Variants in HPS4 observed in about 807,000 individuals in gnomAD.
HPS4 encodes the protein BLOC-3 complex member HPS4.
In HPS4, 44 loss-of-function variants were observed where a neutral mutation model predicts 70.3. That is an observed-to-expected ratio of 0.63 (90% confidence interval 0.49 to 0.80). HPS4 has a LOEUF of 0.80. Ranked by LOEUF, HPS4 falls within the 30% of genes least tolerant of loss-of-function variation. The probability of loss-of-function intolerance (pLI) is 0.00; values close to 1 mark genes in which losing one functional copy is unlikely to be tolerated. For synonymous variants in HPS4, 377 were observed against 355.9 expected (o/e 1.06, Z -0.67); for missense variants, 873 against 884.4 (o/e 0.99, Z 0.16).
At chr22:26,446,271 C>T (rs868139722), downstream of HPS4, among the ~76,000 whole-genome samples, 3 of 152,334 alleles carry the variant, frequency 2.0e-5, no homozygotes, top group Non-Finnish European at 2.9e-5. Flanking sequence ...CCCAGGTCTT[C>T]TGATCCCAAA....
chr22:26,465,653 C>T (rs902843387), intron 9 of HPS4, 102 bp from the exon 10 acceptor site: 60 of 933,486 alleles, frequency 6.4e-5, no homozygotes, highest in Admixed American at 5.7e-4. Context: ...CACGTGGGCT[C>T]GGAAAGGGGT....
At chr22:26,473,539 G>A (rs1365049948) in intron 4 of HPS4, among the ~76,000 whole-genome samples, 1 of 152,184 alleles carries the variant, frequency 6.6e-6, no homozygotes, top group Non-Finnish European at 1.5e-5. Context: ...TGGATCACGA[G>A]GTCAAGAGAT....
At chr22:26,473,239 T>C (rs1361663429) in intron 4 of HPS4, among the ~76,000 whole-genome samples, 1 of 152,230 alleles carries the variant, frequency 6.6e-6, no homozygotes, top group Non-Finnish European at 1.5e-5. Flanking sequence ...TCTGTTCTAT[T>C]ACCTCGAGCC....
chr22:26,448,894 T>C (rs368539057), downstream of HPS4, among the ~76,000 whole-genome samples: 7 of 152,206 alleles, frequency 4.6e-5, no homozygotes, highest in African/African-American at 1.7e-4. Context: ...TGCCCTCCCC[T>C]GTCTCCTCAC....
rs1328001662 is a variant in HPS4 at position 26,481,872 on chromosome 22, G to A, written c.-110C>T. On this transcript the variant is annotated 5_prime_UTR_variant, in exon 2 of 14. It adds an upstream start codon to the 5' untranslated region. Coordinates refer to ENST00000398145, the MANE Select transcript of HPS4 (RefSeq NM_022081.6). ...ATCCCCCAATCCAGTGAATCTGGAC[G>A]TGGTAGGTTTCAGTGTTTTCAGTCA... The A allele has an allele frequency of 1.5e-5, 16 of 1,100,708 alleles. No homozygotes were observed. The Admixed American group carries it at 2.5e-4, about 17-fold the overall frequency. The allele number at this position is 1,100,708 out of a possible 1,614,324, so 68.2% of individuals were successfully genotyped here.
intron 4 of HPS4, among the ~76,000 whole-genome samples, chr22:26,474,243 G>A (rs1359071692): frequency 6.6e-6 from 1 of 152,142 alleles, no homozygotes; most frequent in African/African-American, 2.4e-5. Flanking sequence ...CAGATCTGTG[G>A]AAAAGCCGAA....
At chr22:26,480,753 C>CA (rs886363546) in intron 2 of HPS4, among the ~76,000 whole-genome samples, 8 of 152,088 alleles carry the variant, frequency 5.3e-5, no homozygotes, top group African/African-American at 1.2e-4. Flanking sequence ...CCCATCTCCA[C>CA]AAAAAACAGA....
chr22:26,457,210 C>CTTTTTTT (rs1555889771), intron 13 of HPS4, among the ~76,000 whole-genome samples: 1 of 25,554 alleles, frequency 3.9e-5, no homozygotes, highest in Non-Finnish European at 1.3e-4. Flanking sequence ...GCACGTATTA[C>CTTTTTTT]TTTTTTTTTT....
chr22:26,468,647 G>C (rs775201587), intron 7 of HPS4, 24 bp from the exon 8 acceptor site: 22 of 1,605,878 alleles, frequency 1.4e-5, no homozygotes, highest in Non-Finnish European at 1.9e-5. Flanking sequence ...CACAGAACAA[G>C]AACACCATGA....
rs2091322908 is a variant in HPS4, at chr22:26,481,901, C to T, written c.-139G>A. On this transcript the variant is annotated 5_prime_UTR_variant, in exon 2 of 14. Transcript: ENST00000398145. The stretch of plus-strand genomic sequence containing the variant: ...TAGGTTTCAGTGTTTTCAGTCACAA[C>T]TGCCACTTGGTTAGTTTTCACTCAG... 1.2e-6 allele frequency: 1 copy of T among 818,512 alleles called. No individual in the cohort carries two copies. Among genetic ancestry groups the T allele is most frequent in the Middle Eastern group, 3.1e-4 (1 of 3,204 alleles). 50.7% of individuals were successfully genotyped at this position (818,512 alleles called of 1,614,324 possible).
At chr22:26,453,614 G>A (rs748711601) in intron 13 of HPS4, 19 of 619,766 alleles carry the variant, frequency 3.1e-5, no homozygotes, top group South Asian at 2.4e-4. Flanking sequence ...ACTAGATGCT[G>A]GAAGAGTCCG....
intron 7 of HPS4, among the ~76,000 whole-genome samples, 167 bp downstream of exon 7, chr22:26,470,548 TACAC>T (rs1437978865): frequency 2.0e-5 from 3 of 152,188 alleles, no homozygotes; most frequent in Non-Finnish European, 4.4e-5. Flanking sequence ...CAAAGACAGG[TACAC>T]ACCTGTCTTT....
intron 13 of HPS4, 63 bp from the exon 14 acceptor site, chr22:26,453,467 A>G (rs2085547874): frequency 6.4e-7 from 1 of 1,570,528 alleles, no homozygotes; most frequent in East Asian, 2.2e-5. Flanking sequence ...GACCACACAG[A>G]GACCTCAGTA....
intron 8 of HPS4, chr22:26,466,511 A>G (rs1365306334): frequency 1.7e-6 from 1 of 596,506 alleles, no homozygotes; most frequent in South Asian, 1.9e-5. Context: ...CCAAACTCAC[A>G]TCACACTCTA....
At position 26,464,758 on chromosome 22, in the gene HPS4, G is replaced by C; in HGVS notation, c.872C>G (p.Ser291Cys). ...GCCAGTGGCGTTTTCTTTCAGGGCA[G>C]ATGTGCTCCCACCCTTTGGATGGTG... The part of the protein sequence containing the change: ...AQHHPKGGST[S>C]ALKENATGHV... The change falls in exon 11 of 14, where the codon TCT becomes TGT. Residue 291 changes from serine (S) to cysteine (C), a missense_variant. Transcript: ENST00000398145. 1 of 1,587,862 alleles carries C rather than the reference G, an allele frequency of 6.3e-7. No homozygotes were observed. The highest frequency in any genetic ancestry group is 8.6e-7 in the Non-Finnish European group (1 of 1,166,438).
intron 2 of HPS4, among the ~76,000 whole-genome samples, chr22:26,480,040 C>T (rs2091108454): frequency 6.6e-6 from 1 of 152,240 alleles, no homozygotes; most frequent in Admixed American, 6.5e-5. Context: ...TCTCTTTGTT[C>T]TGAATTTCCA....
At chr22:26,447,610 G>A (rs1022092585), downstream of HPS4, among the ~76,000 whole-genome samples, 28 of 152,252 alleles carry the variant, frequency 1.8e-4, no homozygotes, top group Middle Eastern at 6.8e-3. Flanking sequence ...TTTGAGGACC[G>A]TCATGCCTGC....
At position 26,452,095 on chromosome 22, in the gene HPS4, G is replaced by A. The variant is rs2085323618; in HGVS notation, c.*1138C>T. On this transcript the variant is annotated 3_prime_UTR_variant, in exon 14 of 14. Coordinates refer to ENST00000398145, the MANE Select transcript of HPS4 (RefSeq NM_022081.6). ...AAAAATGCTGCCATTTAATTACTCAGAACTCCAGCATTTTTTGGCTATTTT... is the reference window on the plus strand; with the variant it reads ...AAAAATGCTGCCATTTAATTACTCAAAACTCCAGCATTTTTTGGCTATTTT... 1 of 341,360 alleles carries A rather than the reference G, an allele frequency of 2.9e-6. No homozygotes were observed. The highest frequency in any genetic ancestry group is 5.7e-6 in the Non-Finnish European group (1 of 175,506). 21.1% of individuals were successfully genotyped at this position (341,360 alleles called of 1,614,324 possible). A position where few individuals can be genotyped will look rare whatever the true frequency, so the allele number is the denominator to read the frequency against.
rs1437725440 is a variant in HPS4 at position 26,465,429 on chromosome 22, G to A, written c.803+26C>T. The A allele has an allele frequency of 4.6e-6, 7 of 1,530,888 alleles. No homozygotes were observed. The East Asian group carries it at 6.7e-5, about 15-fold the overall frequency. 94.8% of individuals were successfully genotyped at this position (1,530,888 alleles called of 1,614,324 possible). ...ATGGGGTCCCTCAGGTGTGGTGCAA[G>A]GTTAACTCTCTGTGCACTCCATTAC... is the stretch of plus-strand genomic sequence containing the variant. On this transcript the variant is annotated intron_variant, in intron 10 of 13. Transcript: ENST00000398145.
Sources: gnomAD v4.1 joint callset for allele counts (sites outside exome capture counted in the v4.1 genomes callset) on GRCh38, gnomAD v4.1.1 for gene constraint, MANE v1.5 for transcripts, NCBI Gene and HGNC (gene_info 2026-07-23, HGNC 2026-07-21) for gene names.